XKR9: variants seen among roughly 807,000 people sequenced by gnomAD.
The protein encoded by XKR9 is XK-related protein 9.
In XKR9, 32 loss-of-function variants were observed where a neutral mutation model predicts 32.0. The observed-to-expected ratio is 1.00, with a 90% CI of 0.76 to 1.34. The LOEUF is 1.34. Ranked by LOEUF, XKR9 falls within the 40% of genes most tolerant of loss-of-function variation. XKR9 has a pLI of 0.00. For synonymous variants in XKR9, 168 were observed against 143.4 expected, an observed-to-expected ratio of 1.17 and a Z score of -1.22; for missense variants, 546 against 429.7, an observed-to-expected ratio of 1.27 and a Z score of -2.39.
chr8:70,865,295 G>A, the XKR9 span, among the ~76,000 whole-genome samples: 1 of 151,342 alleles, frequency 6.6e-6, no homozygotes. Flanking sequence ...AAAGGAAGAG[G>A]AAAAGTTAAA....
intron 3 of XKR9, among the ~76,000 whole-genome samples, chr8:70,687,366 C>CTTTCTTTCTTT (rs1158924327): frequency 1.9e-5 from 2 of 103,836 alleles, no homozygotes; most frequent in African/African-American, 3.8e-5. Flanking sequence ...TTCTCTCTTT[C>CTTTCTTTCTTT]CTTTCTTTCT....
the XKR9 span, among the ~76,000 whole-genome samples, chr8:70,900,618 A>ATAAATAAATAAG: frequency 2.0e-5 from 3 of 151,958 alleles, no homozygotes; most frequent in African/African-American, 7.3e-5. Context: ...AAATAAATAA[A>ATAAATAAATAAG]TAAATAGGAA....
At chr8:71,013,574 C>A in the XKR9 span, among the ~76,000 whole-genome samples, 2 of 152,042 alleles carry the variant, frequency 1.3e-5, no homozygotes, top group Admixed American at 6.6e-5. Flanking sequence ...CATAAAGGAG[C>A]CTTAGAAGAG....
the XKR9 span, among the ~76,000 whole-genome samples, chr8:70,980,813 G>A: frequency 4.6e-5 from 7 of 152,092 alleles, no homozygotes; most frequent in Non-Finnish European, 1.0e-4. Context: ...CCTTTTAACC[G>A]TTCTTGTAGT....
chr8:70,980,916 C>T, the XKR9 span, among the ~76,000 whole-genome samples: 2 of 152,252 alleles, frequency 1.3e-5, no homozygotes, highest in Admixed American at 6.5e-5. Context: ...TCACTGGATA[C>T]AAAATTCTTG....
At chr8:71,011,276 A>G in the XKR9 span, among the ~76,000 whole-genome samples, 2 of 152,312 alleles carry the variant, frequency 1.3e-5, no homozygotes, top group East Asian at 1.9e-4. Context: ...CCCTAGAAAC[A>G]TGGGAGCCTG....
At chr8:70,863,164 G>A in the XKR9 span, among the ~76,000 whole-genome samples, 2 of 152,160 alleles carry the variant, frequency 1.3e-5, no homozygotes, top group Non-Finnish European at 2.9e-5. Flanking sequence ...CCTGTCAGAT[G>A]TTGAGAGAAT....
At chr8:70,704,787 A>G (rs1805662918) in intron 3 of XKR9, among the ~76,000 whole-genome samples, 1 of 152,236 alleles carries the variant, frequency 6.6e-6, no homozygotes, top group Admixed American at 6.5e-5. Context: ...ACTATGTCAG[A>G]TACCCAGAAA....
the XKR9 span, among the ~76,000 whole-genome samples, chr8:71,043,848 A>G: frequency 6.6e-6 from 1 of 152,110 alleles, no homozygotes; most frequent in Non-Finnish European, 1.5e-5. Context: ...TTATATATTG[A>G]TATATAAAAA....
In XKR9 at chr8:70,749,794, A is replaced by T. The variant is rs545042148; in HGVS notation, n.353-39545A>T. ...GAGGGTTTCTGGCTGGTGACAGACC[A>T]GCCACCCTAGGGTATCACTGTGACT... On this transcript the variant is annotated intron_variant and non_coding_transcript_variant, in intron 2 of 3. Coordinates refer to the XKR9 transcript ENST00000520273. Among the ~76,000 whole-genome samples the T allele has an allele frequency of 3.2e-3, 488 of 152,356 alleles. 2 individuals are homozygous for T. Among genetic ancestry groups the T allele is most frequent in the Admixed American group, 7.0e-3 (107 of 15,310 alleles).
chr8:70,701,430 ATGT>A (rs1446686724), intron 3 of XKR9, among the ~76,000 whole-genome samples: 1 of 152,082 alleles, frequency 6.6e-6, no homozygotes, highest in Non-Finnish European at 1.5e-5. Context: ...TCATTCGAAG[ATGT>A]TGTATTTACT....
the XKR9 span, among the ~76,000 whole-genome samples, chr8:70,854,208 T>C: frequency 6.6e-6 from 1 of 152,214 alleles, no homozygotes; most frequent in Non-Finnish European, 1.5e-5. Context: ...GACTTTTTAA[T>C]GATCGGCATT....
At chr8:70,702,489 G>T (rs1010243116) in intron 3 of XKR9, among the ~76,000 whole-genome samples, 14 of 152,072 alleles carry the variant, frequency 9.2e-5, no homozygotes, top group Admixed American at 3.9e-4. Flanking sequence ...ATATTTTTAA[G>T]GTCTCCTTTT....
chr8:70,976,821 G>T, the XKR9 span, among the ~76,000 whole-genome samples: 1 of 152,192 alleles, frequency 6.6e-6, no homozygotes, highest in Admixed American at 6.5e-5. Flanking sequence ...ACCTGTGGTA[G>T]AATTTGGCTG....
chr8:71,012,671 G>T, the XKR9 span, among the ~76,000 whole-genome samples: 37 of 152,130 alleles, frequency 2.4e-4, 1 homozygote, highest in African/African-American at 6.5e-4. Context: ...TTCATAGGTG[G>T]TTTTTTTCTC....
the XKR9 span, among the ~76,000 whole-genome samples, chr8:70,914,627 T>G: frequency 6.6e-6 from 1 of 152,158 alleles, no homozygotes. Flanking sequence ...ACACGTCTTT[T>G]GTTGGATATA....
At chr8:70,724,589 T>G (rs1029535597) in intron 4 of XKR9, among the ~76,000 whole-genome samples, 1 of 152,156 alleles carries the variant, frequency 6.6e-6, no homozygotes, top group Non-Finnish European at 1.5e-5. Context: ...TATCTGGGCC[T>G]GATAGCACAG....
At chr8:70,681,560 T>C (rs1237396069) in intron 3 of XKR9, among the ~76,000 whole-genome samples, 2 of 152,134 alleles carry the variant, frequency 1.3e-5, no homozygotes, top group African/African-American at 4.8e-5. Flanking sequence ...TTTTCTGATA[T>C]GAACTCAGTT....
chr8:70,756,891 G>T (rs1262389848), intron 2 of XKR9, among the ~76,000 whole-genome samples: 1 of 152,112 alleles, frequency 6.6e-6, no homozygotes, highest in Non-Finnish European at 1.5e-5. Flanking sequence ...TCAAATAGAA[G>T]TGTTGAGGGT....
Sources: gnomAD v4.1 joint callset for allele counts (sites outside exome capture counted in the v4.1 genomes callset) on GRCh38, gnomAD v4.1.1 for gene constraint, MANE v1.5 for transcripts, NCBI Gene and HGNC (gene_info 2026-07-23, HGNC 2026-07-21) for gene names.